GNAO1: variants seen among roughly 807,000 people sequenced by gnomAD.
The protein encoded by GNAO1 is G protein subunit alpha o1, also known as guanine nucleotide-binding protein G(o) subunit alpha.
For synonymous variants in GNAO1, 164 were observed against 180.7 expected (o/e 0.91, Z 0.74); for missense variants, 166 against 478.7 (o/e 0.35, Z 6.10).
intron 2 of GNAO1, among the ~76,000 whole-genome samples, chr16:56,201,161 T>A (rs2036278826): frequency 6.6e-6 from 1 of 152,166 alleles, no homozygotes; most frequent in African/African-American, 2.4e-5. Flanking sequence ...AATGTCTGTA[T>A]ACACAGTGTG....
At chr16:56,316,797 G>C (rs1034682688) in intron 3 of GNAO1, among the ~76,000 whole-genome samples, 2 of 152,162 alleles carry the variant, frequency 1.3e-5, no homozygotes, top group Admixed American at 1.3e-4. Flanking sequence ...CTCAGCCCTG[G>C]GCTTCACACA....
At chr16:56,336,624 G>A in intron 5 of GNAO1, 107 bp from the exon 6 acceptor site, 1 of 1,031,138 alleles carries the variant, frequency 9.7e-7, no homozygotes, top group Non-Finnish European at 1.4e-6. Flanking sequence ...GCAAGGCTCT[G>A]AGCACCATGG....
intron 2 of GNAO1, among the ~76,000 whole-genome samples, chr16:56,208,269 A>G (rs2143322574): frequency 6.6e-6 from 1 of 152,334 alleles, no homozygotes; most frequent in Admixed American, 6.5e-5. Context: ...ATTCATGAAT[A>G]TGCTATATAT....
intron 3 of GNAO1, among the ~76,000 whole-genome samples, chr16:56,285,411 A>C (rs1549305): frequency 0.58 from 88,565 of 151,814 alleles, 26,702 homozygotes; most frequent in East Asian, 0.75. Context: ...TACCCCCACC[A>C]AACCCCCACC....
chr16:56,331,307 A>G lies in GNAO1; in HGVS notation c.464+2516A>G, dbSNP rs553603577. 1.5e-3 allele frequency among the ~76,000 whole-genome samples: 225 copies of G among 152,308 alleles called. 2 individuals carry two copies. Among genetic ancestry groups the G allele is most frequent in the African/African-American group, 5.0e-3 (208 of 41,572 alleles). ...GGCAGGTCCCAGAAACCCTGGGCAC[A>G]TCCAACCAGGGGCTGTGAAAGGTGC... On this transcript the variant is annotated intron_variant, in intron 4 of 8. Coordinates refer to ENST00000262493, the MANE Select transcript of GNAO1 (RefSeq NM_020988.3).
chr16:56,211,668 G>A (rs1350402289), intron 2 of GNAO1, among the ~76,000 whole-genome samples: 1 of 152,170 alleles, frequency 6.6e-6, no homozygotes, highest in Admixed American at 6.5e-5. Context: ...TGGGCATCTT[G>A]TTTCAGTCGC....
intron 3 of GNAO1, among the ~76,000 whole-genome samples, chr16:56,309,711 A>G (rs2037435249): frequency 6.6e-6 from 1 of 152,106 alleles, no homozygotes; most frequent in Non-Finnish European, 1.5e-5. Flanking sequence ...TTCCAGTCCC[A>G]CCACCCAGGG....
intron 2 of GNAO1, among the ~76,000 whole-genome samples, chr16:56,259,701 C>G (rs1375267196): frequency 6.6e-6 from 1 of 152,068 alleles, no homozygotes; most frequent in Non-Finnish European, 1.5e-5. Flanking sequence ...AGGGGCAGGG[C>G]GGGGGTTCAT....
intron 3 of GNAO1, among the ~76,000 whole-genome samples, chr16:56,308,543 G>C (rs754162424): frequency 6.6e-6 from 1 of 152,184 alleles, no homozygotes. Flanking sequence ...CCAGAGGTTA[G>C]GTAGGGGTAA....
chr16:56,203,759 C>G (rs1449529303), intron 2 of GNAO1, among the ~76,000 whole-genome samples: 1 of 152,186 alleles, frequency 6.6e-6, no homozygotes, highest in Non-Finnish European at 1.5e-5. Context: ...CAAGGCCTTC[C>G]AGGATCTGAA....
chr16:56,221,087 C>T (rs2143364881), intron 2 of GNAO1, among the ~76,000 whole-genome samples: 1 of 152,246 alleles, frequency 6.6e-6, no homozygotes, highest in Admixed American at 6.5e-5. Context: ...GGGGCAAGTT[C>T]ACCCCTTCCA....
intron 2 of GNAO1, among the ~76,000 whole-genome samples, chr16:56,202,579 G>A (rs1001376095): frequency 6.6e-6 from 1 of 152,220 alleles, no homozygotes; most frequent in Admixed American, 6.5e-5. Flanking sequence ...ACCCCTTAGG[G>A]GATGGGTAGC....
At position 56,311,060 on chromosome 16, in the gene GNAO1, G is replaced by A. The variant is rs1369663453; in HGVS notation, c.304-17571G>A. ...TTCCCGACTAGCAGACCATGAGAGGGCTGAAATCCAGTGCACCTTCCCTTT... is the reference window on the plus strand; with the variant it reads ...TTCCCGACTAGCAGACCATGAGAGGACTGAAATCCAGTGCACCTTCCCTTT... On this transcript the variant is annotated intron_variant, in intron 3 of 8. Transcript: ENST00000262493. The surrounding 1 kb of genome is among the most constrained non-coding windows in gnomAD (Gnocchi z 5.2). Among the ~76,000 whole-genome samples, 1 of 152,134 alleles carries A rather than the reference G, an allele frequency of 6.6e-6. No individual in the cohort carries two copies. The highest frequency in any genetic ancestry group is 1.5e-5 in the Non-Finnish European group (1 of 68,030).
intron 2 of GNAO1, among the ~76,000 whole-genome samples, chr16:56,203,887 G>C (rs1221350111): frequency 6.6e-6 from 1 of 152,192 alleles, no homozygotes; most frequent in Non-Finnish European, 1.5e-5. Context: ...GAAGAGAAGT[G>C]ACTGGAAAGG....
intron 2 of GNAO1, among the ~76,000 whole-genome samples, chr16:56,223,896 A>G (rs1232949160): frequency 6.6e-6 from 1 of 152,226 alleles, no homozygotes; most frequent in Non-Finnish European, 1.5e-5. Flanking sequence ...CCCACAAAAG[A>G]TGTTCAGTAA....
chr16:56,207,442 A>G, intron 2 of GNAO1, among the ~76,000 whole-genome samples: 1 of 152,220 alleles, frequency 6.6e-6, no homozygotes, highest in Non-Finnish European at 1.5e-5. Flanking sequence ...AACATGATTT[A>G]TTTAAGGTGA....
chr16:56,271,177 A>T (rs2037013637), intron 2 of GNAO1: 1 of 152,084 alleles, frequency 6.6e-6, no homozygotes, highest in Non-Finnish European at 1.5e-5. Flanking sequence ...GGATATAGGG[A>T]CTCAGGGCAG....
In GNAO1 at chr16:56,348,404, G is replaced by A. The variant is rs189125551; in HGVS notation, c.724-2980G>A. The stretch of plus-strand genomic sequence containing the variant: ...TCGCCATCTGGTGGGAAGTTGCTCC[G>A]TTCTGCGCCGAGCCACCTTCCTGTC... On this transcript the variant is annotated intron_variant, in intron 6 of 8. Transcript: ENST00000262493. Among the ~76,000 whole-genome samples, 521 of 152,306 alleles carry A rather than the reference G, an allele frequency of 3.4e-3. 12 individuals carry two copies. The highest frequency in any genetic ancestry group is 8.7e-4 in the Non-Finnish European group (59 of 68,016).
At chr16:56,219,723 G>A (rs575862239) in intron 2 of GNAO1, among the ~76,000 whole-genome samples, 1 of 152,002 alleles carries the variant, frequency 6.6e-6, no homozygotes, top group Non-Finnish European at 1.5e-5. Flanking sequence ...TCCACTTTTT[G>A]TGTGGCTCCT....
Sources: allele counts gnomAD v4.1 joint callset (sites outside exome capture counted in the v4.1 genomes callset), GRCh38; gene constraint gnomAD v4.1.1; non-coding constraint Gnocchi (gnomAD v3.1); transcripts MANE v1.5; gene names NCBI Gene and HGNC (gene_info 2026-07-23, HGNC 2026-07-21).